The following LRRTM4 variants were observed in gnomAD, a reference collection of about 807,000 sequenced individuals.
LRRTM4 encodes leucine rich repeat transmembrane neuronal 4.
In LRRTM4, 25 loss-of-function variants were observed where a neutral mutation model predicts 47.6. That is an observed-to-expected ratio of 0.53 (90% CI 0.38 to 0.73). LRRTM4 has a LOEUF of 0.73. LRRTM4 is among the 30% of genes least tolerant of loss of function. LRRTM4 has a pLI of 0.00. For synonymous variants in LRRTM4, 311 were observed against 269.5 expected, an observed-to-expected ratio of 1.15 and a Z score of -1.51; for missense variants, 638 against 713.4, an observed-to-expected ratio of 0.89 and a Z score of 1.20.
At chr2:77,171,468 G>C (rs1673047636) in intron 3 of LRRTM4, among the ~76,000 whole-genome samples, 1 of 151,910 alleles carries the variant, frequency 6.6e-6, no homozygotes, top group Non-Finnish European at 1.5e-5. Context: ...GTAGAGATGG[G>C]GTTTCACCAT....
At chr2:77,165,490 C>A (rs1208857625) in intron 3 of LRRTM4, among the ~76,000 whole-genome samples, 1 of 152,100 alleles carries the variant, frequency 6.6e-6, no homozygotes, top group Non-Finnish European at 1.5e-5. Flanking sequence ...ATACAAAAGC[C>A]TGGCAGAGAC....
At chr2:77,391,439 C>G (rs1046890713) in intron 3 of LRRTM4, among the ~76,000 whole-genome samples, 1 of 151,900 alleles carries the variant, frequency 6.6e-6, no homozygotes, top group African/African-American at 2.4e-5. Context: ...TTTAAAATAT[C>G]CTGGTTAGAA....
intron 3 of LRRTM4, among the ~76,000 whole-genome samples, chr2:77,512,509 C>T (rs554433230): frequency 6.6e-6 from 1 of 152,222 alleles, no homozygotes; most frequent in East Asian, 1.9e-4. Flanking sequence ...ATGCTTTTCA[C>T]TGATCAAAAG....
At chr2:77,070,272 C>A (rs1680108548) in intron 3 of LRRTM4, among the ~76,000 whole-genome samples, 1 of 152,036 alleles carries the variant, frequency 6.6e-6, no homozygotes. Context: ...CCACAGGTTG[C>A]TGCATGACTT....
At chr2:76,859,291 T>G (rs571646991) in intron 3 of LRRTM4, among the ~76,000 whole-genome samples, 1 of 152,210 alleles carries the variant, frequency 6.6e-6, no homozygotes, top group South Asian at 2.1e-4. Context: ...TCTTTTTTTT[T>G]CCTCAGTTCC....
intron 3 of LRRTM4, among the ~76,000 whole-genome samples, chr2:77,289,160 G>C (rs1053471522): frequency 6.6e-6 from 1 of 151,970 alleles, no homozygotes. Flanking sequence ...ATATGTGAAA[G>C]GAGTTTACAC....
At chr2:77,328,835 T>C (rs763920509) in intron 3 of LRRTM4, among the ~76,000 whole-genome samples, 1 of 152,200 alleles carries the variant, frequency 6.6e-6, no homozygotes, top group Non-Finnish European at 1.5e-5. Context: ...GCTTCAGTGC[T>C]GATATCTCGA....
In LRRTM4 at chr2:77,178,360, G is replaced by T. The variant is rs184397228; in HGVS notation, c.1551+339958C>A. On this transcript the variant is annotated intron_variant, in intron 3 of 3. Transcript: ENST00000409884. ...CCCAGCACTTTAGGAAGCCAAGGTG[G>T]GCAGGTCACGAGGTCAGGAGTTCGA... 5.7e-3 allele frequency among the ~76,000 whole-genome samples: 863 copies of T among 152,186 alleles called. 8 individuals are homozygous for T. Among genetic ancestry groups the T allele is most frequent in the Non-Finnish European group, 6.0e-3 (409 of 67,976 alleles).
intron 3 of LRRTM4, among the ~76,000 whole-genome samples, chr2:76,923,078 A>C (rs1480082891): frequency 1.3e-5 from 2 of 152,140 alleles, no homozygotes; most frequent in East Asian, 3.9e-4. Flanking sequence ...GTATGATCTG[A>C]TATATTCAGA....
At chr2:77,509,440 C>T (rs1412350622) in intron 3 of LRRTM4, among the ~76,000 whole-genome samples, 1 of 151,870 alleles carries the variant, frequency 6.6e-6, no homozygotes, top group Non-Finnish European at 1.5e-5. Flanking sequence ...TTTACAAATC[C>T]TGGGGTATTA....
At chr2:77,057,558 T>A (rs1228402586) in intron 3 of LRRTM4, among the ~76,000 whole-genome samples, 3 of 152,166 alleles carry the variant, frequency 2.0e-5, no homozygotes, top group African/African-American at 7.2e-5. Flanking sequence ...ACATGAATTT[T>A]AGTATGGCTC....
intron 3 of LRRTM4, among the ~76,000 whole-genome samples, chr2:77,198,946 G>C (rs1673902621): frequency 1.3e-5 from 2 of 152,224 alleles, no homozygotes; most frequent in East Asian, 3.9e-4. Flanking sequence ...CAGGATCAAG[G>C]ACTCCAGTGG....
intron 3 of LRRTM4, among the ~76,000 whole-genome samples, chr2:76,935,582 T>G (rs374979457): frequency 6.6e-6 from 1 of 152,160 alleles, no homozygotes; most frequent in Admixed American, 6.5e-5. Context: ...TTGTAAGTTG[T>G]ATTCCTAGGT....
rs544388325 is a variant in LRRTM4, at chr2:77,017,744, AAAC to A, written c.1552-268831_1552-268829del. Among the ~76,000 whole-genome samples the A allele has an allele frequency of 3.0e-4, 45 of 152,262 alleles. No homozygotes were observed. In the Middle Eastern group the frequency reaches 0.01, roughly 35 times the overall value. ...AAAAATAAATAGAAGAGGAGAATAA[AAAC>A]AACAATTTTAGGAATGACTATGTGA... On this transcript the variant is annotated intron_variant, in intron 3 of 3. Transcript: ENST00000409884.
intron 3 of LRRTM4, among the ~76,000 whole-genome samples, chr2:77,078,520 A>T (rs1483952187): frequency 6.6e-6 from 1 of 152,152 alleles, no homozygotes; most frequent in Admixed American, 6.6e-5. Flanking sequence ...TAAAGTGTAT[A>T]TATTTTTATA....
intron 3 of LRRTM4, among the ~76,000 whole-genome samples, chr2:76,820,340 C>T (rs1204721806): frequency 1.3e-5 from 2 of 151,738 alleles, no homozygotes; most frequent in Non-Finnish European, 2.9e-5. Flanking sequence ...CTAACTTTCA[C>T]TACATCAAAT....
chr2:77,398,762 A>G (rs911809417), intron 3 of LRRTM4, among the ~76,000 whole-genome samples: 2 of 151,858 alleles, frequency 1.3e-5, no homozygotes, highest in Admixed American at 6.6e-5. Context: ...TAATTTAAAC[A>G]TACCCTGATA....
intron 3 of LRRTM4, among the ~76,000 whole-genome samples, chr2:77,081,264 ACAC>A (rs1203200957): frequency 2.0e-5 from 3 of 148,512 alleles, no homozygotes; most frequent in African/African-American, 7.6e-5. Flanking sequence ...ACACACACAC[ACAC>A]ACACACACAC....
At chr2:77,267,864 G>A (rs1558661135) in intron 3 of LRRTM4, among the ~76,000 whole-genome samples, 1 of 151,868 alleles carries the variant, frequency 6.6e-6, no homozygotes, top group Non-Finnish European at 1.5e-5. Flanking sequence ...AGAGCACTGA[G>A]GCTAAATTGA....
Sources: gnomAD v4.1 joint callset for allele counts (sites outside exome capture counted in the v4.1 genomes callset) on GRCh38, gnomAD v4.1.1 for gene constraint, MANE v1.5 for transcripts, NCBI Gene and HGNC (gene_info 2026-07-23, HGNC 2026-07-21) for gene names.